The following CRACD variants were observed in gnomAD, a reference collection of about 807,000 sequenced individuals.
CRACD encodes the protein capping protein inhibiting regulator of actin dynamics.
In CRACD, 56 loss-of-function variants were observed where a neutral mutation model predicts 106.8. The ratio of observed to expected loss-of-function variants is 0.52; its 90% confidence interval spans 0.42 to 0.66. The LOEUF (loss-of-function observed/expected upper bound fraction) is 0.66. Ranked by LOEUF, CRACD falls within the 30% of genes least tolerant of loss-of-function variation. CRACD has a pLI of 0.00. For missense variants in CRACD, 1,730 were observed against 1,623.2 expected (o/e 1.07, Z -1.13); for synonymous variants, 754 against 670.8 (o/e 1.12, Z -1.92).
intron 1 of CRACD, among the ~76,000 whole-genome samples, chr4:56,123,074 T>C (rs1159721067): frequency 6.6e-6 from 1 of 152,240 alleles, no homozygotes; most frequent in Non-Finnish European, 1.5e-5. Context: ...AGATAGTCTT[T>C]TTAATGAAAT....
chr4:56,211,868 C>T (rs2109492836), intron 2 of CRACD, among the ~76,000 whole-genome samples: 1 of 152,274 alleles, frequency 6.6e-6, no homozygotes, highest in African/African-American at 2.4e-5. Context: ...CAATCTGGTC[C>T]ATGGATTTGA....
chr4:56,198,126 G>T (rs548295630), intron 2 of CRACD, among the ~76,000 whole-genome samples: 2 of 151,986 alleles, frequency 1.3e-5, no homozygotes, highest in Non-Finnish European at 2.9e-5. Flanking sequence ...TTACTTGTTG[G>T]TATTTAGGAG....
At chr4:56,202,912 T>C (rs1737951123) in intron 2 of CRACD, among the ~76,000 whole-genome samples, 2 of 152,284 alleles carry the variant, frequency 1.3e-5, no homozygotes, top group Admixed American at 1.3e-4. Context: ...CAATTTGAAA[T>C]TTAAGAAGAT....
chr4:56,274,128 T>C (rs2109653097), intron 3 of CRACD, among the ~76,000 whole-genome samples: 1 of 152,342 alleles, frequency 6.6e-6, no homozygotes, highest in South Asian at 2.1e-4. Flanking sequence ...CAGGGAAAGA[T>C]GTAACTGAAA....
chr4:56,250,051 G>T (rs973733010), intron 2 of CRACD, among the ~76,000 whole-genome samples: 2 of 152,068 alleles, frequency 1.3e-5, no homozygotes, highest in African/African-American at 4.8e-5. Flanking sequence ...AATCTGAATT[G>T]CCCTGTAAAA....
intron 2 of CRACD, among the ~76,000 whole-genome samples, chr4:56,207,415 T>C (rs1738176642): frequency 6.6e-6 from 1 of 151,992 alleles, no homozygotes; most frequent in Non-Finnish European, 1.5e-5. Flanking sequence ...TCCAGGAGAG[T>C]GAAGGCCTCC....
chr4:56,052,005 C>T (rs1038402037), intron 1 of CRACD, among the ~76,000 whole-genome samples: 1 of 152,178 alleles, frequency 6.6e-6, no homozygotes, highest in Admixed American at 6.5e-5. Flanking sequence ...TCAGTGTCAG[C>T]TAATTTTTAT....
chr4:56,252,740 C>T (rs1010527635), intron 2 of CRACD, among the ~76,000 whole-genome samples: 1 of 152,162 alleles, frequency 6.6e-6, no homozygotes, highest in African/African-American at 2.4e-5. Context: ...GAAAAGCAAA[C>T]AGACAAACAC....
intron 1 of CRACD, among the ~76,000 whole-genome samples, chr4:56,143,862 C>T (rs1735287485): frequency 1.3e-5 from 2 of 152,126 alleles, no homozygotes; most frequent in South Asian, 4.2e-4. Flanking sequence ...ATTATGAGAT[C>T]TCTGCTCTCT....
At position 56,330,212 on chromosome 4, in the gene CRACD, C is replaced by G. The variant is rs959962202; in HGVS notation, c.*2408C>G. On this transcript the variant is annotated 3_prime_UTR_variant, in exon 11 of 11. Transcript: ENST00000682029. ...AAACTTTTTTTTTTTTTTATTTAAA[C>G]AAACATACACTTCTCCTGGCAAGGT... Among the ~76,000 whole-genome samples, 4 of 148,396 alleles carry G rather than the reference C, an allele frequency of 2.7e-5. No individual in the cohort carries two copies. Among genetic ancestry groups the G allele is most frequent in the Non-Finnish European group, 3.0e-5 (2 of 67,210 alleles).
intron 1 of CRACD, among the ~76,000 whole-genome samples, chr4:56,173,343 C>G (rs1187487064): frequency 1.3e-5 from 2 of 152,166 alleles, no homozygotes; most frequent in Non-Finnish European, 1.5e-5. Flanking sequence ...TCTTGAATTA[C>G]AAATTGTTAA....
chr4:56,211,418 C>T (rs1284650050), intron 2 of CRACD, among the ~76,000 whole-genome samples: 1 of 152,244 alleles, frequency 6.6e-6, no homozygotes, highest in Non-Finnish European at 1.5e-5. Context: ...GGCTTGTGCA[C>T]CAGCTCAGCC....
Position 56,269,338 on chromosome 4 carries a change from G to A in CRACD, c.-188-2983G>A, listed in dbSNP as rs960940730. 5.3e-5 allele frequency among the ~76,000 whole-genome samples: 8 copies of A among 151,912 alleles called. No homozygotes were observed. In the East Asian group the frequency reaches 1.2e-3, roughly 22 times the overall value. Reference sequence around the variant, plus strand: ...GTGGAGGTTACAGTGAGCCAAGATCGCGCCACTGCACTCCAACCTGGGCGA... The same window carrying A: ...GTGGAGGTTACAGTGAGCCAAGATCACGCCACTGCACTCCAACCTGGGCGA... On this transcript the variant is annotated intron_variant, in intron 2 of 10. Transcript: ENST00000682029.
At chr4:56,194,611 T>C (rs1385379363) in intron 2 of CRACD, among the ~76,000 whole-genome samples, 1 of 152,172 alleles carries the variant, frequency 6.6e-6, no homozygotes, top group Non-Finnish European at 1.5e-5. Flanking sequence ...GATTAATGTT[T>C]TTATGAAGGA....
intron 2 of CRACD, among the ~76,000 whole-genome samples, chr4:56,254,479 A>C (rs1313398476): frequency 1.3e-5 from 2 of 151,380 alleles, no homozygotes; most frequent in South Asian, 2.1e-4. Flanking sequence ...GCGACTTCTT[A>C]TTATTTTCCT....
intron 3 of CRACD, among the ~76,000 whole-genome samples, chr4:56,278,582 T>G (rs1237052232): frequency 6.6e-6 from 1 of 152,164 alleles, no homozygotes; most frequent in Non-Finnish European, 1.5e-5. Flanking sequence ...TCCATGACCT[T>G]GAATTAGGCA....
chr4:56,313,021 G>T (rs1441146719), intron 6 of CRACD, among the ~76,000 whole-genome samples, 176 bp from the exon 7 acceptor site: 1 of 152,178 alleles, frequency 6.6e-6, no homozygotes, highest in African/African-American at 2.4e-5. Flanking sequence ...AATAGTCAAT[G>T]TCCTTTGGTT....
intron 1 of CRACD, among the ~76,000 whole-genome samples, chr4:56,093,091 G>A (rs1733477518): frequency 6.6e-6 from 1 of 152,084 alleles, no homozygotes; most frequent in African/African-American, 2.4e-5. Context: ...TAGTTTCTGT[G>A]CTTGTTTGTT....
intron 1 of CRACD, among the ~76,000 whole-genome samples, chr4:56,102,511 C>T (rs1733808496): frequency 6.6e-6 from 1 of 152,130 alleles, no homozygotes; most frequent in African/African-American, 2.4e-5. Flanking sequence ...TCCTTTTATA[C>T]CAAATAGTCA....
Sources: gnomAD v4.1 joint callset for allele counts (sites outside exome capture counted in the v4.1 genomes callset) on GRCh38, gnomAD v4.1.1 for gene constraint, MANE v1.5 for transcripts, NCBI Gene and HGNC (gene_info 2026-07-23, HGNC 2026-07-21) for gene names.